SEMA5A: variants seen among roughly 807,000 people sequenced by gnomAD.
SEMA5A encodes the protein semaphorin-5A.
Under a neutral mutation model 135.5 loss-of-function variants are expected in SEMA5A, and 55 were observed. The observed-to-expected ratio is 0.41, with a 90% CI of 0.33 to 0.51. SEMA5A has a LOEUF of 0.51. SEMA5A is among the 20% of genes least tolerant of loss of function. The pLI is 0.37. For missense variants in SEMA5A, 1,290 were observed against 1,419.9 expected, an observed-to-expected ratio of 0.91 and a Z score of 1.47; for synonymous variants, 580 against 546.5, an observed-to-expected ratio of 1.06 and a Z score of -0.85.
chr5:9,157,573 T>G (rs1209887425), intron 11 of SEMA5A, among the ~76,000 whole-genome samples: 1 of 152,064 alleles, frequency 6.6e-6, no homozygotes, highest in Non-Finnish European at 1.5e-5. Flanking sequence ...TCCTGCAGCT[T>G]CCTCTACACC....
intron 1 of SEMA5A, among the ~76,000 whole-genome samples, chr5:9,474,486 TA>T (rs58649675): frequency 0.025 from 3,729 of 146,840 alleles, 80 homozygotes; most frequent in African/African-American, 0.064. Flanking sequence ...GAAGCATGCT[TA>T]AAAAAAAAAA....
At chr5:9,177,608 C>T (rs577703005) in intron 11 of SEMA5A, among the ~76,000 whole-genome samples, 26 of 152,318 alleles carry the variant, frequency 1.7e-4, no homozygotes, top group South Asian at 4.1e-4. Flanking sequence ...GTGAGTTCCA[C>T]GCAGGTCCTG....
At chr5:9,124,851 C>T (rs1188302028) in intron 13 of SEMA5A, among the ~76,000 whole-genome samples, 2 of 152,144 alleles carry the variant, frequency 1.3e-5, no homozygotes, top group African/African-American at 4.8e-5. Flanking sequence ...ATGCTTTCAC[C>T]TTGCCCTCTG....
intron 5 of SEMA5A, among the ~76,000 whole-genome samples, chr5:9,250,514 C>A (rs72741961): frequency 0.019 from 2,825 of 152,102 alleles, 31 homozygotes; most frequent in Non-Finnish European, 0.026. Context: ...GAAAAAAGAC[C>A]GAATTCATAC....
intron 5 of SEMA5A, among the ~76,000 whole-genome samples, chr5:9,304,451 T>C (rs1339474026): frequency 1.3e-5 from 2 of 152,130 alleles, no homozygotes; most frequent in Non-Finnish European, 2.9e-5. Context: ...ATGAATATAA[T>C]ATCATCTTTA....
At chr5:9,114,321 T>C (rs1473338908) in intron 15 of SEMA5A, among the ~76,000 whole-genome samples, 1 of 152,240 alleles carries the variant, frequency 6.6e-6, no homozygotes, top group Non-Finnish European at 1.5e-5. Flanking sequence ...GGAATAGTTA[T>C]TATTGCTTAA....
intron 1 of SEMA5A, among the ~76,000 whole-genome samples, chr5:9,462,985 T>A (rs1241246602): frequency 5.5e-5 from 7 of 127,194 alleles, no homozygotes; most frequent in Non-Finnish European, 6.8e-5. Flanking sequence ...AAATAAAAGT[T>A]AAAAAAAAAA....
chr5:9,464,081 C>T (rs750030984), intron 1 of SEMA5A, among the ~76,000 whole-genome samples: 30 of 152,136 alleles, frequency 2.0e-4, no homozygotes, highest in African/African-American at 5.8e-4. Flanking sequence ...TCCTGAGCAG[C>T]GTTCCTGGTC....
At chr5:9,361,191 C>T (rs149340288) in intron 3 of SEMA5A, among the ~76,000 whole-genome samples, 4 of 151,602 alleles carry the variant, frequency 2.6e-5, no homozygotes, top group East Asian at 2.0e-4. Flanking sequence ...CCCAGCTACT[C>T]GGGAGGCTGT....
At chr5:9,499,340 C>A (rs1193711797) in intron 1 of SEMA5A, among the ~76,000 whole-genome samples, 1 of 152,126 alleles carries the variant, frequency 6.6e-6, no homozygotes, top group Non-Finnish European at 1.5e-5. Flanking sequence ...AAAATGTCAT[C>A]AAATGCCAAA....
At chr5:9,171,422 T>G (rs921166585) in intron 11 of SEMA5A, among the ~76,000 whole-genome samples, 7 of 152,048 alleles carry the variant, frequency 4.6e-5, no homozygotes, top group Admixed American at 4.6e-4. Flanking sequence ...GAGTGACAAG[T>G]TTTCTTAAAC....
intron 12 of SEMA5A, among the ~76,000 whole-genome samples, chr5:9,138,357 A>G (rs1741874668): frequency 6.6e-6 from 1 of 152,106 alleles, no homozygotes. Context: ...CTATATATAC[A>G]TATATATATT....
chr5:9,391,811 T>G (rs1428993719), intron 2 of SEMA5A, among the ~76,000 whole-genome samples: 6 of 152,192 alleles, frequency 3.9e-5, no homozygotes, highest in Non-Finnish European at 8.8e-5. Context: ...GCTCATCTGA[T>G]TAAGTAATTT....
chr5:9,122,262 T>G (rs1243553023), intron 14 of SEMA5A, among the ~76,000 whole-genome samples: 2 of 152,204 alleles, frequency 1.3e-5, no homozygotes, highest in African/African-American at 2.4e-5. Flanking sequence ...CAATATCCTA[T>G]GGAGTAGAGC....
At chr5:9,493,167 T>A (rs777438939) in intron 1 of SEMA5A, among the ~76,000 whole-genome samples, 5 of 151,946 alleles carry the variant, frequency 3.3e-5, no homozygotes, top group African/African-American at 4.8e-5. Context: ...GCTGTTAACC[T>A]AAAACTGCTC....
At chr5:9,149,235 T>C (rs1259001204) in intron 12 of SEMA5A, among the ~76,000 whole-genome samples, 1 of 152,092 alleles carries the variant, frequency 6.6e-6, no homozygotes, top group Non-Finnish European at 1.5e-5. Flanking sequence ...GCTGAGGAGT[T>C]TCAACAGAGA....
intron 5 of SEMA5A, among the ~76,000 whole-genome samples, chr5:9,277,861 T>C (rs1384641321): frequency 1.3e-5 from 2 of 152,046 alleles, no homozygotes; most frequent in Admixed American, 6.6e-5. Context: ...CTAATGTAGA[T>C]GATAGGTTGA....
chr5:9,331,600 C>G (rs1295096053), intron 4 of SEMA5A, among the ~76,000 whole-genome samples: 1 of 152,204 alleles, frequency 6.6e-6, no homozygotes, highest in East Asian at 1.9e-4. Context: ...GGAGTTTCCA[C>G]TTTAACCAAC....
chr5:9,256,831 CA>C (rs1749096284), intron 5 of SEMA5A, among the ~76,000 whole-genome samples: 1 of 152,216 alleles, frequency 6.6e-6, no homozygotes, highest in South Asian at 2.1e-4. Flanking sequence ...GCGAGAGCCT[CA>C]TCACATTTGT....
Sources: gnomAD v4.1 joint callset for allele counts (sites outside exome capture counted in the v4.1 genomes callset) on GRCh38, gnomAD v4.1.1 for gene constraint, MANE v1.5 for transcripts, NCBI Gene and HGNC (gene_info 2026-07-23, HGNC 2026-07-21) for gene names.